The following NRXN3 variants were observed in gnomAD, a reference collection of about 807,000 sequenced individuals.
The protein encoded by NRXN3 is neurexin 3.
Under a neutral mutation model 137.6 loss-of-function variants are expected in NRXN3, and 32 were observed. The ratio of observed to expected loss-of-function variants is 0.23; its 90% CI spans 0.18 to 0.31. The LOEUF (loss-of-function observed/expected upper bound fraction) is 0.31. Among genes scored for constraint, NRXN3 ranks in the 10% least tolerant of loss-of-function variants. The probability of loss-of-function intolerance (pLI) is 1.00; values close to 1 mark genes in which losing one functional copy is unlikely to be tolerated. For missense variants in NRXN3, 1,574 were observed against 2,062.5 expected (o/e 0.76, Z 4.59); for synonymous variants, 798 against 784.5 (o/e 1.02, Z -0.29).
At position 78,827,271 on chromosome 14, in the gene NRXN3, G is replaced by GAAA. The variant is rs11462484; in HGVS notation, c.2275+16939_2275+16941dup. Among the ~76,000 whole-genome samples, 21 of 142,196 alleles carry GAAA rather than the reference G, an allele frequency of 1.5e-4. No homozygotes were observed. The East Asian group carries it at 1.6e-3, about 11-fold the overall frequency. The allele number at this position is 142,196 out of a possible 152,430, so 93.3% of individuals were successfully genotyped here. A position where few individuals can be genotyped will look rare whatever the true frequency, so the allele number is the denominator to read the frequency against. On this transcript the variant is annotated intron_variant, in intron 10 of 20. Coordinates refer to ENST00000335750, the MANE Select transcript of NRXN3 (RefSeq NM_001330195.2). ...ATCCTTTGGGCTAACTGAGAGGACCGAAAAAAAAAAAAAATACAAAAGAAC... is the reference window on the plus strand; with the variant it reads ...ATCCTTTGGGCTAACTGAGAGGACCGAAAAAAAAAAAAAAAAATACAAAAGAAC...
Position 79,867,135 on chromosome 14 carries a change from A to C in NRXN3, c.*5171A>C, listed in dbSNP as rs1047080933. On this transcript the variant is annotated 3_prime_UTR_variant, in exon 21 of 21. Transcript: ENST00000335750. Reference sequence around the variant, plus strand: ...ATGACTTCTCCAAGGTCACACAGCTAATACATGACAATGTCATGACTTAAA... The same window carrying C: ...ATGACTTCTCCAAGGTCACACAGCTCATACATGACAATGTCATGACTTAAA... 1 of 152,230 alleles carries C rather than the reference A, an allele frequency of 6.6e-6. No individual in the cohort carries two copies. The highest frequency in any genetic ancestry group is 2.4e-5 in the African/African-American group (1 of 41,466). 9.4% of individuals were successfully genotyped at this position (152,230 alleles called of 1,614,324 possible).
intron 16 of NRXN3, among the ~76,000 whole-genome samples, chr14:79,582,869 C>T (rs2097729890): frequency 6.6e-6 from 1 of 152,186 alleles, no homozygotes; most frequent in Admixed American, 6.5e-5. Flanking sequence ...AGGGCACCTC[C>T]TGGAAACCTG....
intron 15 of NRXN3, among the ~76,000 whole-genome samples, chr14:79,424,135 G>A (rs571245472): frequency 7.9e-5 from 12 of 152,194 alleles, no homozygotes; most frequent in Admixed American, 2.0e-4. Flanking sequence ...TTCAGACAAT[G>A]GAATCATTTA....
chr14:79,037,238 T>C (rs2099617626), intron 15 of NRXN3, among the ~76,000 whole-genome samples: 1 of 152,074 alleles, frequency 6.6e-6, no homozygotes, highest in Non-Finnish European at 1.5e-5. Context: ...TTGAATGCCT[T>C]GCTTTCAACC....
At chr14:79,393,895 A>G (rs951348325) in intron 15 of NRXN3, among the ~76,000 whole-genome samples, 1 of 152,250 alleles carries the variant, frequency 6.6e-6, no homozygotes, top group African/African-American at 2.4e-5. Context: ...ACCTAGATAC[A>G]AGAGTATTAT....
At chr14:79,189,104 A>C (rs1267476597) in intron 15 of NRXN3, among the ~76,000 whole-genome samples, 14 of 151,956 alleles carry the variant, frequency 9.2e-5, no homozygotes, top group Non-Finnish European at 1.6e-4. Flanking sequence ...TTATTGCGGC[A>C]CTATTCACAA....
rs79849030 is a variant in NRXN3 at position 78,418,743 on chromosome 14, T to C, written c.757+120883T>C. ...ATGGTAATAGTACTATTAATAATAATGATGTACATATATTGGATGTGTTCA... is the reference window on the plus strand; with the variant it reads ...ATGGTAATAGTACTATTAATAATAACGATGTACATATATTGGATGTGTTCA... On this transcript the variant is annotated intron_variant, in intron 4 of 20. Coordinates refer to ENST00000335750, the MANE Select transcript of NRXN3 (RefSeq NM_001330195.2). Among the ~76,000 whole-genome samples the C allele has an allele frequency of 4.9e-3, 754 of 152,344 alleles. 9 individuals carry two copies. Among genetic ancestry groups the C allele is most frequent in the African/African-American group, 0.018 (728 of 41,590 alleles).
chr14:78,391,132 A>G (rs1567453245), intron 4 of NRXN3, among the ~76,000 whole-genome samples: 1 of 152,262 alleles, frequency 6.6e-6, no homozygotes, highest in East Asian at 1.9e-4. Flanking sequence ...TTATGGCTGC[A>G]TAGTATTCTA....
chr14:79,175,399 A>T lies in NRXN3; in HGVS notation c.3262+187258A>T, dbSNP rs563923007. 1.3e-4 allele frequency among the ~76,000 whole-genome samples: 20 copies of T among 152,312 alleles called. No individual in the cohort carries two copies. The South Asian group carries it at 4.1e-3, about 32-fold the overall frequency. On this transcript the variant is annotated intron_variant, in intron 15 of 20. Coordinates refer to ENST00000335750, the MANE Select transcript of NRXN3 (RefSeq NM_001330195.2). ...GAGAATTTTTTTGGAGCTGTTCCTG[A>T]TTAGATGTTAGAAGATTTTGGTTAT...
At chr14:79,835,830 A>C (rs2099340441) in intron 20 of NRXN3, among the ~76,000 whole-genome samples, 1 of 152,210 alleles carries the variant, frequency 6.6e-6, no homozygotes, top group Non-Finnish European at 1.5e-5. Context: ...ACATCCCTGC[A>C]CGGAGCACAT....
In NRXN3 at chr14:78,800,983, A is replaced by C. The variant is rs573897133; in HGVS notation, c.2045-2637A>C. The stretch of plus-strand genomic sequence containing the variant: ...ACCTTACATGATAACCATTTTAAAA[A>C]TTATATGTCTGATGCTGTATTAGCC... On this transcript the variant is annotated intron_variant, in intron 8 of 20. Transcript: ENST00000335750. Among the ~76,000 whole-genome samples, 3 of 152,344 alleles carry C rather than the reference A, an allele frequency of 2.0e-5. No individual in the cohort carries two copies. The East Asian group carries it at 5.8e-4, about 29-fold the overall frequency.
At chr14:79,611,007 G>T (rs552892045) in intron 16 of NRXN3, among the ~76,000 whole-genome samples, 1 of 152,308 alleles carries the variant, frequency 6.6e-6, no homozygotes, top group African/African-American at 2.4e-5. Flanking sequence ...GGCATAGTCA[G>T]CTGCTAGTTT....
Position 79,435,229 on chromosome 14 carries a change from T to C in NRXN3, c.3263-31992T>C, listed in dbSNP as rs929201642. On this transcript the variant is annotated intron_variant, in intron 15 of 20. Transcript: ENST00000335750. ...AGTTGCATTTGGAGCTATCAGCAAGTAATGAAGCAAGAATGTCAATCGACA... is the reference window on the plus strand; with the variant it reads ...AGTTGCATTTGGAGCTATCAGCAAGCAATGAAGCAAGAATGTCAATCGACA... Among the ~76,000 whole-genome samples the C allele has an allele frequency of 2.7e-5, 4 of 150,038 alleles. No individual in the cohort carries two copies. The South Asian group carries it at 8.4e-4, about 31-fold the overall frequency.
chr14:78,826,956 A>G (rs1354973709), intron 10 of NRXN3, among the ~76,000 whole-genome samples: 2 of 152,192 alleles, frequency 1.3e-5, no homozygotes, highest in Non-Finnish European at 2.9e-5. Flanking sequence ...GAAGTCTGTG[A>G]CTACTGTTAA....
intron 19 of NRXN3, among the ~76,000 whole-genome samples, chr14:79,798,133 G>T (rs1226712223): frequency 6.6e-6 from 1 of 151,674 alleles, no homozygotes; most frequent in Admixed American, 6.6e-5. Flanking sequence ...CCAGTTGTAT[G>T]TGTGGGTATT....
At chr14:79,265,229 CTCT>C (rs1384883071) in intron 15 of NRXN3, among the ~76,000 whole-genome samples, 1 of 119,536 alleles carries the variant, frequency 8.4e-6, no homozygotes, top group Non-Finnish European at 1.7e-5. Context: ...ATGGGGGTTG[CTCT>C]TTTTTTTTTT....
At chr14:79,396,157 T>C (rs940621975) in intron 15 of NRXN3, among the ~76,000 whole-genome samples, 1 of 152,088 alleles carries the variant, frequency 6.6e-6, no homozygotes, top group African/African-American at 2.4e-5. Flanking sequence ...TATTAATAAT[T>C]TTAATATCAC....
chr14:79,834,259 A>T (rs188244483), intron 20 of NRXN3, among the ~76,000 whole-genome samples: 1 of 149,478 alleles, frequency 6.7e-6, no homozygotes, highest in Non-Finnish European at 1.5e-5. Context: ...AGCAAACTCA[A>T]TTACAAATGC....
chr14:78,911,967 C>A (rs558102967), intron 10 of NRXN3, among the ~76,000 whole-genome samples: 1 of 151,528 alleles, frequency 6.6e-6, no homozygotes, highest in South Asian at 2.1e-4. Context: ...ATGTGCACAA[C>A]GTGCAGGTTT....
Sources: allele counts gnomAD v4.1 joint callset (sites outside exome capture counted in the v4.1 genomes callset), GRCh38; gene constraint gnomAD v4.1.1; transcripts MANE v1.5; gene names NCBI Gene and HGNC (gene_info 2026-07-23, HGNC 2026-07-21).